The following CERT1 variants were observed in gnomAD, a reference collection of about 807,000 sequenced individuals.
CERT1 encodes ceramide transporter 1.
In CERT1, 31 loss-of-function variants were observed where a neutral mutation model predicts 87.9. The ratio of observed to expected loss-of-function variants is 0.35; its 90% CI spans 0.27 to 0.48. CERT1 has a LOEUF of 0.48. Ranked by LOEUF, CERT1 falls within the 20% of genes least tolerant of loss-of-function variation. CERT1 has a pLI of 0.99. For missense variants in CERT1, 487 were observed against 758.0 expected (o/e 0.64, Z 4.20); for synonymous variants, 289 against 250.9 (o/e 1.15, Z -1.44).
At chr5:75,406,506 T>C (rs1012737064) in intron 8 of CERT1, among the ~76,000 whole-genome samples, 3 of 152,086 alleles carry the variant, frequency 2.0e-5, no homozygotes, top group African/African-American at 4.8e-5. Context: ...TGTTGTATTC[T>C]CCAAGCCTAG....
upstream of CERT1, chr5:75,511,924 C>T: frequency 8.6e-7 from 1 of 1,161,154 alleles, no homozygotes; most frequent in Non-Finnish European, 1.2e-6. Flanking sequence ...GGTGAGTATC[C>T]CGCGCGGGGA....
At chr5:75,392,829 G>A (rs1580707213) in intron 11 of CERT1, among the ~76,000 whole-genome samples, 1 of 151,504 alleles carries the variant, frequency 6.6e-6, no homozygotes, top group East Asian at 1.9e-4. Flanking sequence ...AATTGGCCGG[G>A]CGTGGTGGTG....
chr5:75,381,453 C>G (rs1035455924), intron 15 of CERT1, among the ~76,000 whole-genome samples: 1 of 151,074 alleles, frequency 6.6e-6, no homozygotes, highest in Admixed American at 6.6e-5. Flanking sequence ...CTCCTGGGCT[C>G]AAAGCAATCC....
chr5:75,508,701 G>A (rs1197568374), intron 1 of CERT1, among the ~76,000 whole-genome samples: 1 of 152,166 alleles, frequency 6.6e-6, no homozygotes, highest in Non-Finnish European at 1.5e-5. Flanking sequence ...TTTAGAATAA[G>A]AGTCAGAAGC....
intron 2 of CERT1, among the ~76,000 whole-genome samples, chr5:75,465,098 C>G (rs573839441): frequency 2.0e-5 from 3 of 152,314 alleles, no homozygotes; most frequent in South Asian, 4.1e-4. Context: ...CAACCAGAGA[C>G]TTGAAGAGTT....
At chr5:75,425,653 A>G (rs1209429552) in intron 4 of CERT1, among the ~76,000 whole-genome samples, 154 bp from the exon 5 acceptor site, 2 of 152,240 alleles carry the variant, frequency 1.3e-5, no homozygotes, top group Non-Finnish European at 2.9e-5. Context: ...ACTTCTAGGA[A>G]TAGGCTTGAA....
intron 7 of CERT1, among the ~76,000 whole-genome samples, chr5:75,415,334 T>C (rs1225649910): frequency 1.3e-5 from 2 of 152,222 alleles, no homozygotes; most frequent in Non-Finnish European, 2.9e-5. Flanking sequence ...TTTTAACCAA[T>C]ACTGCCTGCC....
intron 7 of CERT1, among the ~76,000 whole-genome samples, chr5:75,412,998 A>G (rs1390509606): frequency 6.6e-6 from 1 of 151,274 alleles, no homozygotes; most frequent in Admixed American, 6.5e-5. Context: ...TTGTAATAAG[A>G]TATCTTAAAA....
At chr5:75,382,168 A>T (rs1761615602) in intron 14 of CERT1, 91 bp from the exon 15 acceptor site, 1 of 1,197,304 alleles carries the variant, frequency 8.4e-7, no homozygotes, top group Non-Finnish European at 1.2e-6. Flanking sequence ...ATTGAAGGTA[A>T]AATCTCTCAA....
chr5:75,374,523 G>A, downstream of CERT1: 1 of 719,604 alleles, frequency 1.4e-6, no homozygotes, highest in African/African-American at 1.7e-5. Context: ...CGTGCAGCCT[G>A]TTTGCTGCAC....
At chr5:75,426,346 C>T (rs1403582352) in intron 4 of CERT1, 25 bp downstream of exon 4, 1 of 1,496,952 alleles carries the variant, frequency 6.7e-7, no homozygotes, top group South Asian at 1.1e-5. Flanking sequence ...TGTTGTTTAA[C>T]TTAAGGCATC....
intron 2 of CERT1, among the ~76,000 whole-genome samples, chr5:75,490,031 T>C (rs1431725690): frequency 6.6e-6 from 1 of 152,108 alleles, no homozygotes; most frequent in African/African-American, 2.4e-5. Flanking sequence ...AAAGAATGAG[T>C]TCATGTCCTT....
At chr5:75,510,857 G>A (rs1224743914) in intron 1 of CERT1, among the ~76,000 whole-genome samples, 3 of 152,160 alleles carry the variant, frequency 2.0e-5, no homozygotes, top group East Asian at 3.9e-4. Flanking sequence ...CCAAGTCACG[G>A]CGCGCATCTG....
At chr5:75,412,081 T>TCA (rs1466964325) in intron 7 of CERT1, among the ~76,000 whole-genome samples, 2 of 152,232 alleles carry the variant, frequency 1.3e-5, no homozygotes, top group Admixed American at 1.3e-4. Context: ...ACAATGGGGT[T>TCA]CACTGGGTCA....
At chr5:75,405,524 G>A (rs1381785023) in intron 8 of CERT1, among the ~76,000 whole-genome samples, 1 of 152,134 alleles carries the variant, frequency 6.6e-6, no homozygotes, top group Non-Finnish European at 1.5e-5. Flanking sequence ...CAACGTGTCT[G>A]AAACCTCCTC....
chr5:75,424,479 G>A (rs1214309127), intron 5 of CERT1, among the ~76,000 whole-genome samples: 1 of 151,938 alleles, frequency 6.6e-6, no homozygotes, highest in African/African-American at 2.4e-5. Flanking sequence ...GGCTGAGGCA[G>A]GACAATCACT....
chr5:75,381,747 C>T (rs1425398471), intron 15 of CERT1, among the ~76,000 whole-genome samples: 1 of 152,026 alleles, frequency 6.6e-6, no homozygotes, highest in East Asian at 1.9e-4. Context: ...AGGTAAACGG[C>T]CCTGGTGGAA....
chr5:75,508,701 G>C (rs1197568374), intron 1 of CERT1, among the ~76,000 whole-genome samples: 1 of 152,166 alleles, frequency 6.6e-6, no homozygotes, highest in Non-Finnish European at 1.5e-5. Flanking sequence ...TTTAGAATAA[G>C]AGTCAGAAGC....
chr5:75,378,933 C>CT lies in CERT1; in HGVS notation c.*412dup, dbSNP rs1260474666. On this transcript the variant is annotated 3_prime_UTR_variant, in exon 17 of 17. Coordinates refer to ENST00000643780, the MANE Select transcript of CERT1 (RefSeq NM_001379029.1). ...GTGGCTCATGTCTGTAATCCCAGCA[C>CT]TTTGGGAGGCTGAGGCAGGAGGATT... 6.5e-6 allele frequency: 1 copy of CT among 154,558 alleles called. No homozygotes were observed. The highest frequency in any genetic ancestry group is 1.9e-4 in the East Asian group (1 of 5,254). The allele number at this position is 154,558 out of a possible 1,614,324, so 9.6% of individuals were successfully genotyped here.
Sources: gnomAD v4.1 joint callset for allele counts (sites outside exome capture counted in the v4.1 genomes callset) on GRCh38, gnomAD v4.1.1 for gene constraint, MANE v1.5 for transcripts, NCBI Gene and HGNC (gene_info 2026-07-23, HGNC 2026-07-21) for gene names.